FBRSL1: variants seen among roughly 807,000 people sequenced by gnomAD.
FBRSL1 encodes the protein fibrosin-1-like protein.
FBRSL1 carries 51 observed loss-of-function variants against 89.6 expected under a neutral mutation model. The ratio of observed to expected loss-of-function variants is 0.57; its 90% confidence interval spans 0.45 to 0.72. The LOEUF (loss-of-function observed/expected upper bound fraction) is 0.72. Among genes scored for constraint, FBRSL1 ranks in the 30% least tolerant of loss-of-function variants. FBRSL1 has a pLI of 0.00. For missense variants in FBRSL1, 1,618 were observed against 1,451.8 expected, an observed-to-expected ratio of 1.11 and a Z score of -1.86; for synonymous variants, 779 against 681.1, an observed-to-expected ratio of 1.14 and a Z score of -2.24.
chr12:132,508,770 C>T (rs945517693), intron 2 of FBRSL1, among the ~76,000 whole-genome samples: 4 of 152,228 alleles, frequency 2.6e-5, no homozygotes, highest in Non-Finnish European at 5.9e-5. Context: ...CTCACGTGTG[C>T]GGCGTGGGGA....
chr12:132,527,839 CA>C, intron 3 of FBRSL1, 113 bp from the exon 4 acceptor site: 1 of 977,212 alleles, frequency 1.0e-6, no homozygotes, highest in Non-Finnish European at 1.6e-6. Flanking sequence ...CTGTGAGCTG[CA>C]GGGCTGCGGG....
intron 5 of FBRSL1, chr12:132,550,743 A>G (rs1183696002): frequency 6.5e-6 from 1 of 152,704 alleles, no homozygotes; most frequent in Non-Finnish European, 1.5e-5. Context: ...CTCCGAGTGC[A>G]TGGGATGCTG....
intron 15 of FBRSL1, among the ~76,000 whole-genome samples, chr12:132,579,534 G>A (rs546277143): frequency 6.6e-5 from 10 of 152,340 alleles, no homozygotes; most frequent in East Asian, 5.8e-4. Context: ...AAATTCTTAC[G>A]AATGCAAAGA....
At chr12:132,496,405 G>A (rs946614871) in intron 1 of FBRSL1, among the ~76,000 whole-genome samples, 16 of 152,322 alleles carry the variant, frequency 1.1e-4, no homozygotes, top group South Asian at 8.3e-4. Flanking sequence ...GTTCCCTGCC[G>A]AGGGGCCCGT....
intron 1 of FBRSL1, 107 bp downstream of exon 1, chr12:132,490,968 G>T (rs1166969993): frequency 1.1e-6 from 1 of 922,602 alleles, no homozygotes; most frequent in Non-Finnish European, 1.3e-6. Context: ...CCGCGCCGTG[G>T]GCAGCCCTGA....
chr12:132,581,558 C>T, intron 16 of FBRSL1, 42 bp downstream of exon 16: 3 of 1,543,950 alleles, frequency 1.9e-6, no homozygotes, highest in Non-Finnish European at 2.6e-6. Flanking sequence ...TGGCTGGTTC[C>T]TCAGCAGCCT....
rs2032701290 is a variant in FBRSL1, at chr12:132,499,979, T to C, written c.292-8174T>C. On this transcript the variant is annotated intron_variant, in intron 1 of 18. Transcript: ENST00000680143. The surrounding 1 kb of genome is among the most constrained non-coding windows in gnomAD (Gnocchi z 4.3). Reference sequence around the variant, plus strand: ...TCAGGGAGGAGGCTGGGTGGGCTACTGGGCTCTCCGCAGCCCAGACAGGTG... The same window carrying C: ...TCAGGGAGGAGGCTGGGTGGGCTACCGGGCTCTCCGCAGCCCAGACAGGTG... Among the ~76,000 whole-genome samples, 1 of 152,098 alleles carries C rather than the reference T, an allele frequency of 6.6e-6. No individual in the cohort carries two copies. Among genetic ancestry groups the C allele is most frequent in the Admixed American group, 6.5e-5 (1 of 15,276 alleles).
At chr12:132,524,625 G>C (rs2035633952) in intron 2 of FBRSL1, among the ~76,000 whole-genome samples, 1 of 152,232 alleles carries the variant, frequency 6.6e-6, no homozygotes, top group Non-Finnish European at 1.5e-5. Flanking sequence ...ACCTCACCAG[G>C]GGCCCTGGCA....
intron 2 of FBRSL1, chr12:132,510,835 C>T (rs1259680776): frequency 1.7e-5 from 18 of 1,081,700 alleles, no homozygotes; most frequent in Non-Finnish European, 1.8e-5. Flanking sequence ...GGCCCCTCAG[C>T]GTCTTTCTGT....
chr12:132,508,765 G>T (rs375487916), intron 2 of FBRSL1, among the ~76,000 whole-genome samples: 2 of 152,256 alleles, frequency 1.3e-5, no homozygotes, highest in East Asian at 3.8e-4. Flanking sequence ...ATCCGCTCAC[G>T]TGTGCGGCGT....
At chr12:132,556,051 G>C (rs952827442) in intron 5 of FBRSL1, among the ~76,000 whole-genome samples, 11 of 152,216 alleles carry the variant, frequency 7.2e-5, no homozygotes, top group African/African-American at 2.7e-4. Flanking sequence ...TTTCCGCGAA[G>C]TTCCGGTGCC....
At chr12:132,581,921 T>C in intron 17 of FBRSL1, 97 bp downstream of exon 17, 1 of 1,282,268 alleles carries the variant, frequency 7.8e-7, no homozygotes, top group Non-Finnish European at 1.1e-6. Flanking sequence ...CTGACCTCCC[T>C]CCTCTCTGGG....
At chr12:132,527,019 T>TG (rs2035842974) in intron 3 of FBRSL1, among the ~76,000 whole-genome samples, 2 of 151,978 alleles carry the variant, frequency 1.3e-5, no homozygotes, top group Non-Finnish European at 2.9e-5. Context: ...ACCAGAGGTG[T>TG]GGGGGGCCCC....
At chr12:132,573,647 G>A (rs902208065) in intron 11 of FBRSL1, among the ~76,000 whole-genome samples, 3 of 135,322 alleles carry the variant, frequency 2.2e-5, no homozygotes, top group Non-Finnish European at 4.9e-5. Context: ...GGAAGGGGCG[G>A]TAGAGCCAGT....
intron 4 of FBRSL1, among the ~76,000 whole-genome samples, chr12:132,543,136 C>CA (rs994604227): frequency 6.6e-6 from 1 of 152,152 alleles, no homozygotes; most frequent in African/African-American, 2.4e-5. Flanking sequence ...GTGACAGTGA[C>CA]AGTGAAGATG....
In FBRSL1 at chr12:132,510,305, A is replaced by C. The variant is rs1048628528; in HGVS notation, c.489+1955A>C. 8.1e-6 allele frequency: 10 copies of C among 1,229,482 alleles called. No homozygotes were observed. In the African/African-American group the frequency reaches 1.6e-4, roughly 19 times the overall value. The allele number at this position is 1,229,482 out of a possible 1,614,324, so 76.2% of individuals were successfully genotyped here. ...TCCTGTGCCAGCCGCGGCGGTCCCTATTGGATCTGGTGCCGGCCCGTCAGC... is the reference window on the plus strand; with the variant it reads ...TCCTGTGCCAGCCGCGGCGGTCCCTCTTGGATCTGGTGCCGGCCCGTCAGC... On this transcript the variant is annotated intron_variant, in intron 2 of 18. Coordinates refer to ENST00000680143, the MANE Select transcript of FBRSL1 (RefSeq NM_001367871.1).
At chr12:132,570,645 C>T in intron 8 of FBRSL1, 105 bp downstream of exon 8, 1 of 1,017,548 alleles carries the variant, frequency 9.8e-7, no homozygotes, top group Non-Finnish European at 1.4e-6. Context: ...GCTGTGGTCT[C>T]TGCGGACCCT....
Position 132,574,170 on chromosome 12 carries a change from T to C in FBRSL1, c.1599+12T>C. 7 of 1,425,298 alleles carry C rather than the reference T, an allele frequency of 4.9e-6. No homozygotes were observed. The highest frequency in any genetic ancestry group is 3.0e-5 in the Admixed American group (1 of 33,232). The allele number at this position is 1,425,298 out of a possible 1,614,324, so 88.3% of individuals were successfully genotyped here. A position where few individuals can be genotyped will look rare whatever the true frequency, so the allele number is the denominator to read the frequency against. On this transcript the variant is annotated intron_variant, in intron 12 of 18. Transcript: ENST00000680143. ...AGAAAGCGCCTGGGGTAGGTGTTAGTGGGCGCCCGTCCCCACCCCGGGGGA... is the reference window on the plus strand; with the variant it reads ...AGAAAGCGCCTGGGGTAGGTGTTAGCGGGCGCCCGTCCCCACCCCGGGGGA...
rs1225721621 is a variant in FBRSL1 at position 132,490,776 on chromosome 12, G to C, written c.206G>C (p.Arg69Pro). 2.5e-6 allele frequency: 3 copies of C among 1,202,236 alleles called. No homozygotes were observed. Among genetic ancestry groups the C allele is most frequent in the African/African-American group, 1.6e-5 (1 of 62,008 alleles). 74.5% of individuals were successfully genotyped at this position (1,202,236 alleles called of 1,614,324 possible). The change falls in exon 1 of 19, where the codon CGC becomes CCC. Residue 69 changes from arginine (R) to proline (P), a missense_variant. Physicochemically the swap from Arg to Pro is moderately radical, Grantham distance 103. Coordinates refer to ENST00000680143, the MANE Select transcript of FBRSL1 (RefSeq NM_001367871.1). ...PAPRTARPPRRRRRESSSQEE... is the reference protein window; with the variant it reads ...PAPRTARPPRPRRRESSSQEE... ...CCCCGCACCGCGCGTCCCCCGCGCC[G>C]CCGCCGCCGCGAGTCCAGCTCGCAG...
Sources: gnomAD v4.1 joint callset for allele counts (sites outside exome capture counted in the v4.1 genomes callset) on GRCh38, gnomAD v4.1.1 for gene constraint, Gnocchi (gnomAD v3.1) non-coding constraint, MANE v1.5 for transcripts, NCBI Gene and HGNC (gene_info 2026-07-23, HGNC 2026-07-21) for gene names.